DCT: variants seen among roughly 807,000 people sequenced by gnomAD.
The protein encoded by DCT is dopachrome tautomerase.
In DCT, 47 loss-of-function variants were observed where a neutral mutation model predicts 53.0. The ratio of observed to expected loss-of-function variants is 0.89; its 90% confidence interval spans 0.70 to 1.13. The LOEUF is 1.13. Among genes scored for constraint, DCT ranks in the 50% most tolerant of loss-of-function variants. The pLI, the probability that DCT is intolerant of heterozygous loss-of-function variation, is 0.00. For synonymous variants in DCT, 244 were observed against 237.0 expected, an observed-to-expected ratio of 1.03 and a Z score of -0.27; for missense variants, 669 against 637.4, an observed-to-expected ratio of 1.05 and a Z score of -0.53.
chr13:94,439,972 T>C lies in DCT; in HGVS notation c.1486A>G (p.Arg496Gly). The change falls in exon 8 of 8, where the codon AGA becomes GGA. Residue 496 changes from arginine (R) to glycine (G), a missense_variant. By Grantham distance (125) the Arg-to-Gly change is moderately radical. Coordinates refer to ENST00000377028, the MANE Select transcript of DCT (RefSeq NM_001922.5). ...GGTGTATATCCTTTTCGAAGTCTTC[T>C]ATATTGAAGAAAAGCCAACAGCACA... is the stretch of plus-strand genomic sequence containing the variant. ...LFVLLAFLQY[R>G]RLRKGYTPLM... 1.2e-6 allele frequency: 2 copies of C among 1,613,850 alleles called. No homozygotes were observed. The highest frequency in any genetic ancestry group is 2.2e-5 in the South Asian group (2 of 91,078).
At chr13:94,461,569 T>G (rs1238828792) in intron 5 of DCT, among the ~76,000 whole-genome samples, 1 of 152,224 alleles carries the variant, frequency 6.6e-6, no homozygotes, top group Non-Finnish European at 1.5e-5. Context: ...TGCTGTGCTA[T>G]GATTTGAGTT....
intron 7 of DCT, among the ~76,000 whole-genome samples, chr13:94,440,393 G>A (rs1035962025): frequency 6.6e-6 from 1 of 152,140 alleles, no homozygotes; most frequent in Non-Finnish European, 1.5e-5. Context: ...AAACTCATTT[G>A]TGAAAGTGCA....
At chr13:94,545,544 C>T in the DCT span, among the ~76,000 whole-genome samples, 1 of 152,072 alleles carries the variant, frequency 6.6e-6, no homozygotes, top group African/African-American at 2.4e-5. Context: ...AATCACATGG[C>T]TGCCGGCTCC....
intron 4 of DCT, among the ~76,000 whole-genome samples, chr13:94,462,923 G>C (rs1883908275): frequency 1.3e-5 from 2 of 152,282 alleles, no homozygotes; most frequent in Non-Finnish European, 2.9e-5. Context: ...AAGGCAAACG[G>C]GGAGGTCAGA....
At chr13:94,488,721 TATACACACACACACACACAC>T in the DCT span, among the ~76,000 whole-genome samples, 28 of 74,610 alleles carry the variant, frequency 3.8e-4, no homozygotes, top group Admixed American at 7.6e-4. Flanking sequence ...TTGTCTAATA[TATACACACACACACACACAC>T]ACACACACAC....
chr13:94,502,909 G>T, the DCT span, among the ~76,000 whole-genome samples: 11,340 of 152,108 alleles, frequency 0.075, 877 homozygotes, highest in African/African-American at 0.2. Flanking sequence ...ACTCAGTGAG[G>T]CTTCCCAAGT....
At chr13:94,535,907 G>A in the DCT span, among the ~76,000 whole-genome samples, 221 of 152,226 alleles carry the variant, frequency 1.5e-3, 2 homozygotes, top group Non-Finnish European at 2.0e-3. Flanking sequence ...TTCCCTCTTC[G>A]AGGAAGAATG....
the DCT span, among the ~76,000 whole-genome samples, chr13:94,507,145 A>G: frequency 1.3e-5 from 2 of 152,224 alleles, no homozygotes; most frequent in African/African-American, 2.4e-5. Context: ...GGGACATTAG[A>G]AGGAAAACTG....
At chr13:94,516,472 A>C in the DCT span, among the ~76,000 whole-genome samples, 1 of 152,110 alleles carries the variant, frequency 6.6e-6, no homozygotes, top group Non-Finnish European at 1.5e-5. Flanking sequence ...GGGGGAAAAA[A>C]CTTTTTAAGA....
chr13:94,490,323 T>C, the DCT span, among the ~76,000 whole-genome samples: 2 of 151,592 alleles, frequency 1.3e-5, no homozygotes, highest in South Asian at 4.2e-4. Flanking sequence ...TGACCAATAT[T>C]GTATAATCCT....
the DCT span, among the ~76,000 whole-genome samples, chr13:94,499,697 A>G: frequency 6.6e-6 from 1 of 152,110 alleles, no homozygotes; most frequent in Non-Finnish European, 1.5e-5. Flanking sequence ...ATAAGTTAGG[A>G]ATGATTTGAC....
chr13:94,531,390 A>G, the DCT span, among the ~76,000 whole-genome samples: 5 of 152,328 alleles, frequency 3.3e-5, no homozygotes, highest in East Asian at 9.6e-4. Context: ...ACTTCAAACT[A>G]TACTACAAGG....
At chr13:94,443,851 A>G (rs1183240365) in intron 6 of DCT, among the ~76,000 whole-genome samples, 1 of 152,208 alleles carries the variant, frequency 6.6e-6, no homozygotes, top group Non-Finnish European at 1.5e-5. Flanking sequence ...GATTTCGGGA[A>G]GAAAAACAGT....
At chr13:94,440,746 T>C (rs1023185220) in intron 7 of DCT, among the ~76,000 whole-genome samples, 1 of 145,710 alleles carries the variant, frequency 6.9e-6, no homozygotes, top group African/African-American at 2.5e-5. Flanking sequence ...AGTGGCATGA[T>C]CTCGGCTCAC....
At chr13:94,535,745 C>T in the DCT span, among the ~76,000 whole-genome samples, 4 of 152,134 alleles carry the variant, frequency 2.6e-5, no homozygotes, top group African/African-American at 7.2e-5. Flanking sequence ...TTGCAGAGGT[C>T]GTCAATAAAT....
chr13:94,438,505 TC>T lies in DCT; in HGVS notation c.*1392del. ...TAGGACCCCTTATGTTGAAGGCAGC[TC>T]CAGGGACCTCTTAACACCCATTCTT... On this transcript the variant is annotated 3_prime_UTR_variant, in exon 8 of 8. Transcript: ENST00000377028. 2.3e-6 allele frequency: 1 copy of T among 439,980 alleles called. No individual in the cohort carries two copies. Among genetic ancestry groups the T allele is most frequent in the East Asian group, 7.0e-5 (1 of 14,288 alleles). 27.3% of individuals were successfully genotyped at this position (439,980 alleles called of 1,614,324 possible).
the DCT span, among the ~76,000 whole-genome samples, chr13:94,523,872 A>AC: frequency 2.0e-5 from 3 of 149,242 alleles, no homozygotes; most frequent in African/African-American, 7.4e-5. Context: ...TGAGGACTCC[A>AC]TTTTTTTTTT....
At chr13:94,485,329 T>A in the DCT span, among the ~76,000 whole-genome samples, 1 of 152,096 alleles carries the variant, frequency 6.6e-6, no homozygotes, top group Admixed American at 6.6e-5. Flanking sequence ...ACTTAGAGAC[T>A]CCGAGCATCA....
chr13:94,540,933 G>A, the DCT span, among the ~76,000 whole-genome samples: 1 of 152,196 alleles, frequency 6.6e-6, no homozygotes, highest in Non-Finnish European at 1.5e-5. Flanking sequence ...TAAAGAAAAT[G>A]TGGTACTTAC....
Sources: gnomAD v4.1 joint callset for allele counts (sites outside exome capture counted in the v4.1 genomes callset) on GRCh38, gnomAD v4.1.1 for gene constraint, MANE v1.5 for transcripts, NCBI Gene and HGNC (gene_info 2026-07-23, HGNC 2026-07-21) for gene names.